The following SCN8A variants were observed in gnomAD, a reference collection of about 807,000 sequenced individuals.
The protein encoded by SCN8A is sodium voltage-gated channel alpha subunit 8.
A neutral mutation model predicts 184.1 loss-of-function variants in SCN8A; 30 were observed. The observed-to-expected ratio is 0.16, with a 90% CI of 0.12 to 0.22. The LOEUF is 0.22. Among genes scored for constraint, SCN8A ranks in the 10% least tolerant of loss-of-function variants. The pLI, the probability that SCN8A is intolerant of heterozygous loss-of-function variation, is 1.00. For synonymous variants in SCN8A, 852 were observed against 907.0 expected (o/e 0.94, Z 1.09); for missense variants, 1,057 against 2,498.9 (o/e 0.42, Z 12.30).
rs1353166540 is a variant in SCN8A, at chr12:51,774,251, C to T, written c.3708C>T (p.Asp1236=). The T allele has an allele frequency of 1.2e-6, 2 of 1,613,956 alleles. No homozygotes were observed. The highest frequency in any genetic ancestry group is 1.7e-6 in the Non-Finnish European group (2 of 1,179,950). Residue 1236 remains aspartate, a synonymous_variant, in exon 20 of 27, where the codon GAC becomes GAT. Coordinates refer to ENST00000627620, the MANE Select transcript of SCN8A (RefSeq NM_001330260.2). ...KTIRTILEYA[D]KVFTYIFILE... ...TCCGCACCATCCTGGAATATGCTGA[C>T]AAAGTCTTCACCTATATCTTCATCC...
At chr12:51,655,253 C>T (rs1213586520) in intron 1 of SCN8A, among the ~76,000 whole-genome samples, 3 of 152,162 alleles carry the variant, frequency 2.0e-5, no homozygotes, top group Admixed American at 2.0e-4. Flanking sequence ...GACTTCTCTT[C>T]CTTTCATTCC....
intron 20 of SCN8A, chr12:51,780,202 G>A (rs1250472451): frequency 2.2e-6 from 1 of 456,164 alleles, no homozygotes. Context: ...TTTTCCATAG[G>A]TACCATTAAA....
At chr12:51,597,245 A>G (rs923213761) in intron 1 of SCN8A, among the ~76,000 whole-genome samples, 15 of 152,156 alleles carry the variant, frequency 9.9e-5, no homozygotes, top group Non-Finnish European at 4.4e-5. Context: ...GATTTGGATC[A>G]CTTTATATTC....
At chr12:51,609,027 T>C (rs1939659462) in intron 1 of SCN8A, among the ~76,000 whole-genome samples, 1 of 152,248 alleles carries the variant, frequency 6.6e-6, no homozygotes, top group Non-Finnish European at 1.5e-5. Flanking sequence ...TTAACTTCTA[T>C]GTATTTGCAT....
At chr12:51,618,634 A>G (rs1939897103) in intron 1 of SCN8A, among the ~76,000 whole-genome samples, 1 of 152,164 alleles carries the variant, frequency 6.6e-6, no homozygotes, top group African/African-American at 2.4e-5. Flanking sequence ...AGCTCTGTCC[A>G]AGGATTTTAG....
chr12:51,768,745 C>G, intron 16 of SCN8A, 120 bp from the exon 17 acceptor site: 1 of 763,394 alleles, frequency 1.3e-6, no homozygotes. Context: ...GGGCCAAACA[C>G]AACACAACAG....
chr12:51,768,424 G>A (rs1391075278), intron 16 of SCN8A, among the ~76,000 whole-genome samples: 2 of 152,034 alleles, frequency 1.3e-5, no homozygotes, highest in East Asian at 3.9e-4. Context: ...TGTATGAAAG[G>A]ATGGCACTTC....
intron 26 of SCN8A, among the ~76,000 whole-genome samples, chr12:51,797,753 G>T (rs1938449728): frequency 6.6e-6 from 1 of 152,174 alleles, no homozygotes; most frequent in Non-Finnish European, 1.5e-5. Flanking sequence ...GATAGTCTGG[G>T]TCAGTCACCC....
chr12:51,610,398 G>A (rs149725857), intron 1 of SCN8A, among the ~76,000 whole-genome samples: 4 of 152,210 alleles, frequency 2.6e-5, no homozygotes, highest in African/African-American at 4.8e-5. Flanking sequence ...GTGAGGTACC[G>A]TTGCATTCAT....
chr12:51,687,893 G>T (rs577739917), intron 5 of SCN8A, among the ~76,000 whole-genome samples: 1 of 152,188 alleles, frequency 6.6e-6, no homozygotes, highest in African/African-American at 2.4e-5. Context: ...TTGGGAAAGC[G>T]TTTTGTGGTT....
intron 1 of SCN8A, among the ~76,000 whole-genome samples, chr12:51,630,309 G>T (rs1240331041): frequency 6.6e-6 from 1 of 151,902 alleles, no homozygotes; most frequent in Non-Finnish European, 1.5e-5. Flanking sequence ...CATTCTACTT[G>T]CTATCTCTAT....
intron 11 of SCN8A, among the ~76,000 whole-genome samples, chr12:51,708,700 C>G (rs997543537): frequency 3.9e-5 from 6 of 152,158 alleles, no homozygotes; most frequent in Admixed American, 3.3e-4. Flanking sequence ...TTAGTTTTGG[C>G]TTTACAATTG....
intron 12 of SCN8A, 26 bp from the exon 13 acceptor site, chr12:51,745,877 T>C (rs1438811461): frequency 6.5e-7 from 1 of 1,541,264 alleles, no homozygotes; most frequent in Admixed American, 2.2e-5. Flanking sequence ...CTCACTCTAT[T>C]TGCTTTTCTT....
intron 15 of SCN8A, 41 bp from the exon 16 acceptor site, chr12:51,765,630 A>T: frequency 8.7e-7 from 1 of 1,150,820 alleles, no homozygotes; most frequent in South Asian, 1.6e-5. Flanking sequence ...AAATTGATTG[A>T]GTATCATTTA....
intron 2 of SCN8A, among the ~76,000 whole-genome samples, chr12:51,672,939 C>A (rs1941158235): frequency 6.6e-6 from 1 of 152,174 alleles, no homozygotes; most frequent in South Asian, 2.1e-4. Flanking sequence ...GGTTTCTGTT[C>A]CAGGGATCTG....
chr12:51,777,324 A>G (rs1327816431), intron 20 of SCN8A, among the ~76,000 whole-genome samples: 2 of 152,026 alleles, frequency 1.3e-5, no homozygotes, highest in Admixed American at 6.5e-5. Context: ...CAGTGGCACA[A>G]TCATGGCTCA....
At chr12:51,693,316 C>A (rs1941541607) in intron 6 of SCN8A, among the ~76,000 whole-genome samples, 1 of 152,162 alleles carries the variant, frequency 6.6e-6, no homozygotes, top group African/African-American at 2.4e-5. Context: ...AACAGTGGTC[C>A]TAAGTGAAAA....
chr12:51,801,610 C>T (rs982416920), intron 26 of SCN8A, among the ~76,000 whole-genome samples: 4 of 152,146 alleles, frequency 2.6e-5, no homozygotes, highest in East Asian at 3.8e-4. Flanking sequence ...TTTAACTCCC[C>T]GAGCTGCGAT....
rs925838527 is a variant in SCN8A at position 51,809,258 on chromosome 12, G to C, written c.*1829G>C. The C allele has an allele frequency of 6.6e-6, 1 of 152,166 alleles. No homozygotes were observed. Among genetic ancestry groups the C allele is most frequent in the Non-Finnish European group, 1.5e-5 (1 of 68,026 alleles). The allele number at this position is 152,166 out of a possible 1,614,324, so 9.4% of individuals were successfully genotyped here. On this transcript the variant is annotated 3_prime_UTR_variant, in exon 27 of 27. Transcript: ENST00000627620. Reference sequence around the variant, plus strand: ...AAGATGCTGCAGTTGAATGTGTCAGGAAGTCTCTATACAAAGAGTGAAAAG... The same window carrying C: ...AAGATGCTGCAGTTGAATGTGTCAGCAAGTCTCTATACAAAGAGTGAAAAG...
Sources: allele counts gnomAD v4.1 joint callset (sites outside exome capture counted in the v4.1 genomes callset), GRCh38; gene constraint gnomAD v4.1.1; transcripts MANE v1.5; gene names NCBI Gene and HGNC (gene_info 2026-07-23, HGNC 2026-07-21).